Variants in NPIPB15 observed in about 807,000 individuals in gnomAD.
NPIPB15 encodes the protein nuclear pore complex-interacting protein family member B15.
A neutral mutation model predicts 35.9 loss-of-function variants in NPIPB15; 5 were observed. That is an observed-to-expected ratio of 0.14 (90% CI 0.07 to 0.29). The LOEUF (loss-of-function observed/expected upper bound fraction) is 0.29. Ranked by LOEUF, NPIPB15 falls within the 10% of genes least tolerant of loss-of-function variation. The pLI is 1.00. For missense variants in NPIPB15, 100 were observed against 506.1 expected, an observed-to-expected ratio of 0.20 and a Z score of 7.70; for synonymous variants, 43 against 182.0, an observed-to-expected ratio of 0.24 and a Z score of 6.15.
At chr16:74,384,944 G>C (rs1339026869) in intron 3 of NPIPB15, among the ~76,000 whole-genome samples, 1 of 150,092 alleles carries the variant, frequency 6.7e-6, no homozygotes, top group Non-Finnish European at 1.5e-5. Context: ...GCCTCCCAAA[G>C]TGCTGGGATT....
At chr16:74,386,570 T>C (rs1311659555) in intron 5 of NPIPB15, among the ~76,000 whole-genome samples, 1 of 139,054 alleles carries the variant, frequency 7.2e-6, no homozygotes, top group Non-Finnish European at 1.5e-5. Flanking sequence ...GCGATTCTTA[T>C]CCCTCAGCCT....
intron 5 of NPIPB15, among the ~76,000 whole-genome samples, chr16:74,385,997 T>C (rs1479061349): frequency 1.5e-5 from 2 of 136,468 alleles, no homozygotes; most frequent in African/African-American, 5.3e-5. Context: ...TTCTCTCTTT[T>C]TTTTTTTTTT....
chr16:74,379,280 C>T (rs895916587), intron 2 of NPIPB15, among the ~76,000 whole-genome samples: 6 of 152,194 alleles, frequency 3.9e-5, no homozygotes, highest in South Asian at 4.1e-4. Flanking sequence ...AAATCATTAC[C>T]GTTGTTGTAT....
At position 74,377,108 on chromosome 16, in the gene NPIPB15, G is replaced by T. The variant is rs2011697157; in HGVS notation, c.-261G>T. ...TGGCTACATGGATGTGATGGAGATG[G>T]TTTACTATCGGGACCTTCCGCATCC... On this transcript the variant is annotated 5_prime_UTR_variant, in exon 1 of 8. Coordinates refer to ENST00000692376, the MANE Select transcript of NPIPB15 (RefSeq NM_001306094.2). Among the ~76,000 whole-genome samples, 1 of 138,326 alleles carries T rather than the reference G, an allele frequency of 7.2e-6. No homozygotes were observed. The highest frequency in any genetic ancestry group is 8.0e-5 in the Admixed American group (1 of 12,484). 90.7% of individuals were successfully genotyped at this position (138,326 alleles called of 152,430 possible).
At chr16:74,386,380 G>A (rs1277437951) in intron 5 of NPIPB15, among the ~76,000 whole-genome samples, 1 of 132,690 alleles carries the variant, frequency 7.5e-6, no homozygotes, top group Non-Finnish European at 1.6e-5. Context: ...TGCAACCTCT[G>A]CCTCCCAGTT....
At chr16:74,386,737 G>A (rs200059216) in intron 5 of NPIPB15, among the ~76,000 whole-genome samples, 6,988 of 149,446 alleles carry the variant, frequency 0.047, 70 homozygotes, top group African/African-American at 0.1. Flanking sequence ...GATTACAGGC[G>A]TGAGCCACCG....
rs1314003304 is a variant in NPIPB15, at chr16:74,376,317, G to A, written c.-1052G>A. On this transcript the variant is annotated 5_prime_UTR_variant, in exon 1 of 8. Transcript: ENST00000692376. ...GTTTTCAGCTGCCAGAGGCCTGAGT[G>A]AGTTTGGGCACACTCTGTGTGATCG... is the stretch of plus-strand genomic sequence containing the variant. 1.3e-5 allele frequency among the ~76,000 whole-genome samples: 2 copies of A among 151,408 alleles called. No homozygotes were observed. Among genetic ancestry groups the A allele is most frequent in the Non-Finnish European group, 2.9e-5 (2 of 67,964 alleles).
intron 3 of NPIPB15, among the ~76,000 whole-genome samples, chr16:74,384,668 ATTTTTTTTTTTTT>A (rs1186582416): frequency 5.7e-4 from 35 of 61,590 alleles, no homozygotes; most frequent in East Asian, 4.7e-3. Context: ...CACCTGGCCT[ATTTTTTTTTTTTT>A]TTTTTTTTTT....
At chr16:74,381,029 G>C (rs2142658795) in intron 2 of NPIPB15, among the ~76,000 whole-genome samples, 1 of 148,332 alleles carries the variant, frequency 6.7e-6, no homozygotes, top group South Asian at 2.1e-4. Context: ...TGTAATCTCA[G>C]CTACTCGGGA....
chr16:74,380,518 T>G (rs1183094151), intron 2 of NPIPB15, among the ~76,000 whole-genome samples: 4 of 148,988 alleles, frequency 2.7e-5, no homozygotes, highest in South Asian at 4.3e-4. Flanking sequence ...ATTTGTAAAC[T>G]TTCTTAAAAC....
At chr16:74,379,812 T>A (rs1224813845) in intron 2 of NPIPB15, among the ~76,000 whole-genome samples, 1 of 151,858 alleles carries the variant, frequency 6.6e-6, no homozygotes, top group Non-Finnish European at 1.5e-5. Flanking sequence ...ATGGTCTCAA[T>A]CTCCTGATCT....
Position 74,391,186 on chromosome 16 carries a change from C to T in NPIPB15, c.643-205C>T, listed in dbSNP as rs1294639849. On this transcript the variant is annotated intron_variant, in intron 7 of 7. Transcript: ENST00000692376. The stretch of plus-strand genomic sequence containing the variant: ...GGCATGTGGAGACAACAGTGTGTCC[C>T]AATGACTTTTCTTTACTCCCCAGCT... 3 of 985,298 alleles carry T rather than the reference C, an allele frequency of 3.0e-6. No individual in the cohort carries two copies. In the Admixed American group the frequency reaches 1.8e-4, roughly 61 times the overall value. The allele number at this position is 985,298 out of a possible 1,614,324, so 61.0% of individuals were successfully genotyped here. A position where few individuals can be genotyped will look rare whatever the true frequency, so the allele number is the denominator to read the frequency against.
intron 5 of NPIPB15, chr16:74,388,376 G>T: frequency 3.3e-6 from 3 of 906,324 alleles, no homozygotes; most frequent in Non-Finnish European, 3.9e-6. Flanking sequence ...ATCTTTCGCT[G>T]TGTCAAACAC....
intron 2 of NPIPB15, among the ~76,000 whole-genome samples, chr16:74,380,836 C>T (rs1316992177): frequency 6.8e-6 from 1 of 147,584 alleles, no homozygotes; most frequent in African/African-American, 2.5e-5. Flanking sequence ...AAACAAAACA[C>T]CAAACAAAAA....
chr16:74,389,432 A>G (rs1366540308), intron 5 of NPIPB15, among the ~76,000 whole-genome samples: 1 of 149,596 alleles, frequency 6.7e-6, no homozygotes, highest in African/African-American at 2.5e-5. Context: ...GAGTGCAATG[A>G]CGTGATCTTG....
intron 2 of NPIPB15, among the ~76,000 whole-genome samples, chr16:74,378,626 A>G (rs150052236): frequency 0.018 from 2,589 of 146,994 alleles, 52 homozygotes; most frequent in African/African-American, 0.064. Context: ...GTTCGCCAGG[A>G]TAGTCTCCAT....
intron 5 of NPIPB15, among the ~76,000 whole-genome samples, chr16:74,387,715 C>A (rs2012350870): frequency 6.6e-6 from 1 of 152,106 alleles, no homozygotes; most frequent in Admixed American, 6.6e-5. Flanking sequence ...CCACACACTC[C>A]TTGTTGGAGG....
At chr16:74,379,127 A>AT (rs1567411344) in intron 2 of NPIPB15, among the ~76,000 whole-genome samples, 1 of 152,270 alleles carries the variant, frequency 6.6e-6, no homozygotes, top group African/African-American at 2.4e-5. Context: ...GTCACCCCAG[A>AT]AAGTGAACTC....
chr16:74,382,700 C>G (rs1370522664), intron 3 of NPIPB15, among the ~76,000 whole-genome samples: 1 of 152,244 alleles, frequency 6.6e-6, no homozygotes, highest in Non-Finnish European at 1.5e-5. Flanking sequence ...GATAAAAGTA[C>G]TAATACCACA....
Sources: gnomAD v4.1 joint callset for allele counts (sites outside exome capture counted in the v4.1 genomes callset) on GRCh38, gnomAD v4.1.1 for gene constraint, MANE v1.5 for transcripts, NCBI Gene and HGNC (gene_info 2026-07-23, HGNC 2026-07-21) for gene names.